RBFOX1: variants seen among roughly 807,000 people sequenced by gnomAD.
RBFOX1 encodes RNA binding protein fox-1 homolog 1.
A neutral mutation model predicts 57.7 loss-of-function variants in RBFOX1; 8 were observed. The ratio of observed to expected loss-of-function variants is 0.14; its 90% CI spans 0.08 to 0.25. The LOEUF (loss-of-function observed/expected upper bound fraction) is 0.25. Among genes scored for constraint, RBFOX1 ranks in the 10% least tolerant of loss-of-function variants. RBFOX1 has a pLI of 1.00. For missense variants in RBFOX1, 611 were observed against 548.5 expected, an observed-to-expected ratio of 1.11 and a Z score of -1.14; for synonymous variants, 326 against 222.4, an observed-to-expected ratio of 1.47 and a Z score of -4.15.
At chr16:7,100,565 G>GTTTTTTTTTTTTTTTTTTTTTTTTTTT (rs201889492) in intron 4 of RBFOX1, among the ~76,000 whole-genome samples, 1 of 118,786 alleles carries the variant, frequency 8.4e-6, no homozygotes, top group Non-Finnish European at 1.8e-5. Flanking sequence ...TTTAAAGGTT[G>GTTTTTTTTTTTTTTTTTTTTTTTTTTT]TTTTTTTTTT....
intron 3 of RBFOX1, among the ~76,000 whole-genome samples, chr16:6,880,223 G>A (rs58032291): frequency 0.25 from 38,329 of 151,888 alleles, 5,036 homozygotes; most frequent in African/African-American, 0.32. Context: ...TTTTCCACCG[G>A]GGGGTAGCAA....
At chr16:6,933,817 A>G (rs1163246311) in intron 3 of RBFOX1, among the ~76,000 whole-genome samples, 1 of 152,232 alleles carries the variant, frequency 6.6e-6, no homozygotes, top group Non-Finnish European at 1.5e-5. Flanking sequence ...CAAAATTTTC[A>G]TGCAGTGTTT....
At chr16:6,107,379 T>A (rs1348849853) in intron 1 of RBFOX1, among the ~76,000 whole-genome samples, 1 of 152,160 alleles carries the variant, frequency 6.6e-6, no homozygotes, top group African/African-American at 2.4e-5. Context: ...AACCTCTTTC[T>A]TATCCACATG....
intron 2 of RBFOX1, among the ~76,000 whole-genome samples, chr16:6,520,953 A>G (rs573024985): frequency 7.9e-5 from 12 of 151,662 alleles, no homozygotes; most frequent in African/African-American, 2.9e-4. Context: ...GGGGGAAAAA[A>G]ATAATTGCTT....
chr16:5,859,817 C>G (rs1054953233), intron 3 of RBFOX1, among the ~76,000 whole-genome samples: 1 of 152,182 alleles, frequency 6.6e-6, no homozygotes, highest in African/African-American at 2.4e-5. Context: ...ATCCCTAAAA[C>G]TTAGTAACCG....
chr16:7,301,902 G>T (rs2096044315), intron 4 of RBFOX1, among the ~76,000 whole-genome samples: 1 of 152,138 alleles, frequency 6.6e-6, no homozygotes, highest in Non-Finnish European at 1.5e-5. Flanking sequence ...CTTTAGTTTT[G>T]TGAATGCAAA....
rs1187038780 is a variant in RBFOX1 at position 7,099,742 on chromosome 16, C to T, written c.27+47644C>T. On this transcript the variant is annotated intron_variant, in intron 4 of 15. Coordinates refer to ENST00000550418, the MANE Select transcript of RBFOX1 (RefSeq NM_018723.4). ...GACACTTCAAGGAGGAAGGTGTTTC[C>T]AGGTCATAGGTAGATTTACACATAT... Among the ~76,000 whole-genome samples the T allele has an allele frequency of 2.0e-5, 3 of 152,064 alleles. No homozygotes were observed. In the East Asian group the frequency reaches 5.8e-4, roughly 29 times the overall value.
chr16:5,934,132 G>A (rs962055360), intron 4 of RBFOX1, among the ~76,000 whole-genome samples: 21 of 152,330 alleles, frequency 1.4e-4, no homozygotes, highest in African/African-American at 4.8e-4. Context: ...ATGTGGACAC[G>A]GCATGGCATC....
chr16:6,687,496 C>T (rs1317150401), intron 3 of RBFOX1, among the ~76,000 whole-genome samples: 1 of 152,172 alleles, frequency 6.6e-6, no homozygotes, highest in Non-Finnish European at 1.5e-5. Flanking sequence ...GTGATCTCTG[C>T]TAGTCAGGAT....
chr16:6,759,933 T>C (rs2076366642), intron 3 of RBFOX1, among the ~76,000 whole-genome samples: 1 of 152,160 alleles, frequency 6.6e-6, no homozygotes, highest in Non-Finnish European at 1.5e-5. Flanking sequence ...TATTAATCAT[T>C]TATCAAATAT....
At chr16:5,513,906 C>A (rs941384356) in intron 2 of RBFOX1, among the ~76,000 whole-genome samples, 1 of 152,006 alleles carries the variant, frequency 6.6e-6, no homozygotes, top group Non-Finnish European at 1.5e-5. Flanking sequence ...GTAAATAATA[C>A]ATTAATTCAA....
chr16:7,001,157 T>G (rs904993801), intron 3 of RBFOX1, among the ~76,000 whole-genome samples: 1 of 152,056 alleles, frequency 6.6e-6, no homozygotes, highest in African/African-American at 2.4e-5. Context: ...TCCGTTTGAG[T>G]TAGTTTGCTT....
intron 12 of RBFOX1, among the ~76,000 whole-genome samples, chr16:7,659,923 GCA>G (rs939529383): frequency 1.3e-5 from 2 of 151,750 alleles, no homozygotes; most frequent in Non-Finnish European, 2.9e-5. Context: ...CGTACAAACA[GCA>G]CACACACACA....
chr16:5,412,254 C>A (rs2067041917), intron 1 of RBFOX1, among the ~76,000 whole-genome samples: 1 of 108,902 alleles, frequency 9.2e-6, no homozygotes, highest in Admixed American at 8.6e-5. Context: ...TTAGAATCCT[C>A]ATCTCTGAGT....
At chr16:5,809,120 A>T (rs539615166) in intron 3 of RBFOX1, among the ~76,000 whole-genome samples, 1 of 152,250 alleles carries the variant, frequency 6.6e-6, no homozygotes, top group South Asian at 2.1e-4. Context: ...GGCTAGCCAC[A>T]TGGAGAAAGC....
intron 4 of RBFOX1, among the ~76,000 whole-genome samples, chr16:7,071,823 C>A (rs886280222): frequency 1.3e-5 from 2 of 152,074 alleles, no homozygotes; most frequent in African/African-American, 4.8e-5. Flanking sequence ...CACACACACA[C>A]CTGCCCATTA....
intron 4 of RBFOX1, among the ~76,000 whole-genome samples, chr16:7,195,952 C>A (rs899263022): frequency 6.6e-6 from 1 of 152,070 alleles, no homozygotes; most frequent in Middle Eastern, 3.4e-3. Flanking sequence ...CTTTCATTCT[C>A]TACTGCCACA....
At chr16:7,228,533 C>T (rs945608628) in intron 4 of RBFOX1, among the ~76,000 whole-genome samples, 5 of 152,114 alleles carry the variant, frequency 3.3e-5, no homozygotes, top group Non-Finnish European at 5.9e-5. Flanking sequence ...TGAAATTTTA[C>T]AGATTGGGAA....
intron 1 of RBFOX1, among the ~76,000 whole-genome samples, chr16:6,190,494 A>G (rs1237066901): frequency 6.6e-6 from 1 of 152,236 alleles, no homozygotes; most frequent in Non-Finnish European, 1.5e-5. Flanking sequence ...TGATTATTTC[A>G]GAAAATTAGG....
Sources: gnomAD v4.1 joint callset for allele counts (sites outside exome capture counted in the v4.1 genomes callset) on GRCh38, gnomAD v4.1.1 for gene constraint, MANE v1.5 for transcripts, NCBI Gene and HGNC (gene_info 2026-07-23, HGNC 2026-07-21) for gene names.